The following EYA1 variants were observed in gnomAD, a reference collection of about 807,000 sequenced individuals.
The protein encoded by EYA1 is EYA transcriptional coactivator and phosphatase 1, also known as protein phosphatase EYA1.
A neutral mutation model predicts 82.0 loss-of-function variants in EYA1; 16 were observed. That is an observed-to-expected ratio of 0.20 (90% CI 0.13 to 0.30). The LOEUF is 0.30. EYA1 is among the 10% of genes least tolerant of loss of function. The pLI is 1.00. For missense variants in EYA1, 633 were observed against 730.7 expected, an observed-to-expected ratio of 0.87 and a Z score of 1.54; for synonymous variants, 261 against 264.4, an observed-to-expected ratio of 0.99 and a Z score of 0.12.
rs138631799 is a variant in EYA1 at position 71,392,816 on chromosome 8, A to T, written c.34-36305T>A. Reference sequence around the variant, plus strand: ...TCTATCTCTTTTTTTAAATCATAAGATAATATTTTTAGTGAAATTCAAATC... The same window carrying T: ...TCTATCTCTTTTTTTAAATCATAAGTTAATATTTTTAGTGAAATTCAAATC... On this transcript the variant is annotated intron_variant, in intron 2 of 18. Coordinates refer to the EYA1 transcript ENST00000643681. Among the ~76,000 whole-genome samples the T allele has an allele frequency of 3.6e-3, 548 of 152,270 alleles. 3 individuals are homozygous for T. Among genetic ancestry groups the T allele is most frequent in the African/African-American group, 0.012 (515 of 41,554 alleles).
chr8:71,388,377 T>C (rs1829084689), intron 2 of EYA1, among the ~76,000 whole-genome samples: 1 of 152,102 alleles, frequency 6.6e-6, no homozygotes, highest in South Asian at 2.1e-4. Context: ...GTAAAGAAGC[T>C]TGGGTACGAC....
chr8:71,269,629 C>T, intron 11 of EYA1, 111 bp downstream of exon 11: 1 of 732,344 alleles, frequency 1.4e-6, no homozygotes, highest in Middle Eastern at 2.6e-4. Context: ...TAGTTCTTCT[C>T]CATTTATATT....
chr8:71,401,018 C>T (rs536832738), intron 2 of EYA1, among the ~76,000 whole-genome samples: 22 of 152,226 alleles, frequency 1.4e-4, no homozygotes, highest in African/African-American at 2.9e-4. Context: ...CCATTATCCT[C>T]GGCAAACTAA....
chr8:71,457,514 A>G (rs887633952), intron 2 of EYA1, among the ~76,000 whole-genome samples: 2 of 152,216 alleles, frequency 1.3e-5, no homozygotes, highest in African/African-American at 4.8e-5. Context: ...ACCAACCCAA[A>G]TGTCCATCAA....
At chr8:71,508,770 A>G (rs1217319451) in intron 2 of EYA1, among the ~76,000 whole-genome samples, 2 of 152,252 alleles carry the variant, frequency 1.3e-5, no homozygotes, top group South Asian at 4.2e-4. Context: ...ACAAATTTCC[A>G]TTTTTAAAGC....
At chr8:71,260,393 CTAT>C (rs949396258) in intron 11 of EYA1, among the ~76,000 whole-genome samples, 3 of 152,056 alleles carry the variant, frequency 2.0e-5, no homozygotes, top group African/African-American at 7.2e-5. Flanking sequence ...AATTCTTATC[CTAT>C]TATTTTCAAT....
chr8:71,221,979 A>T (rs1809978102), intron 12 of EYA1, among the ~76,000 whole-genome samples: 1 of 152,202 alleles, frequency 6.6e-6, no homozygotes, highest in Admixed American at 6.5e-5. Flanking sequence ...ATGCATGGGA[A>T]CGGGGCGAGC....
chr8:71,222,866 T>C (rs1161347968), intron 12 of EYA1, among the ~76,000 whole-genome samples: 1 of 152,182 alleles, frequency 6.6e-6, no homozygotes, highest in Non-Finnish European at 1.5e-5. Flanking sequence ...CGACCTAGGT[T>C]CTTAGAGGCT....
intron 2 of EYA1, among the ~76,000 whole-genome samples, chr8:71,457,816 T>C (rs1425083489): frequency 6.6e-6 from 1 of 152,152 alleles, no homozygotes; most frequent in African/African-American, 2.4e-5. Context: ...CACACCAACA[T>C]GGCACATGTA....
chr8:71,321,507 C>G (rs1048802473), intron 6 of EYA1, among the ~76,000 whole-genome samples: 1 of 152,170 alleles, frequency 6.6e-6, no homozygotes, highest in African/African-American at 2.4e-5. Flanking sequence ...AAAATGAGAG[C>G]AAGAAGGCAT....
At chr8:71,467,426 A>G (rs145410309) in intron 2 of EYA1, among the ~76,000 whole-genome samples, 1 of 152,162 alleles carries the variant, frequency 6.6e-6, no homozygotes, top group Non-Finnish European at 1.5e-5. Flanking sequence ...AAGAAGGAAC[A>G]ATAACAAAAA....
intron 9 of EYA1, among the ~76,000 whole-genome samples, chr8:71,282,118 C>A (rs1817876327): frequency 6.6e-6 from 1 of 152,202 alleles, no homozygotes; most frequent in Admixed American, 6.5e-5. Flanking sequence ...CCCGTAAGTA[C>A]TCTGTATGCA....
At chr8:71,380,919 C>T (rs1025040664) in intron 2 of EYA1, among the ~76,000 whole-genome samples, 2 of 152,214 alleles carry the variant, frequency 1.3e-5, no homozygotes, top group Non-Finnish European at 2.9e-5. Context: ...CCTTGCCCAC[C>T]TTGTGTTGCT....
At chr8:71,360,113 T>C (rs1424838057) in intron 1 of EYA1, among the ~76,000 whole-genome samples, 1 of 152,180 alleles carries the variant, frequency 6.6e-6, no homozygotes, top group Non-Finnish European at 1.5e-5. Flanking sequence ...AAAGACTCCA[T>C]AAAATAAATG....
intron 7 of EYA1, among the ~76,000 whole-genome samples, chr8:71,309,278 A>C (rs1821070984): frequency 6.6e-6 from 1 of 152,172 alleles, no homozygotes; most frequent in South Asian, 2.1e-4. Flanking sequence ...GATGTCAAGA[A>C]ATTTTTATCC....
intron 3 of EYA1, among the ~76,000 whole-genome samples, chr8:71,347,594 G>A (rs148565578): frequency 9.2e-5 from 14 of 152,158 alleles, no homozygotes; most frequent in African/African-American, 3.1e-4. Flanking sequence ...AGTGCCTAAA[G>A]ATTGTTTTGA....
intron 2 of EYA1, among the ~76,000 whole-genome samples, chr8:71,469,345 T>C (rs1289084255): frequency 6.6e-5 from 10 of 152,050 alleles, no homozygotes; most frequent in Non-Finnish European, 2.9e-5. Flanking sequence ...TCCTACGACT[T>C]ACCTAACTAT....
rs1341532482 is a variant in EYA1, at chr8:71,262,648, T to C, written c.1050+7092A>G. Among the ~76,000 whole-genome samples the C allele has an allele frequency of 2.6e-5, 4 of 152,316 alleles. No homozygotes were observed. In the East Asian group the frequency reaches 7.7e-4, roughly 29 times the overall value. On this transcript the variant is annotated intron_variant, in intron 11 of 17. Coordinates refer to ENST00000340726, the MANE Select transcript of EYA1 (RefSeq NM_000503.6). Reference sequence around the variant, plus strand: ...CCTGTTCATTCACTGCATTCCCTTTTATATTCATGAACAAGAACAGTAAGG... The same window carrying C: ...CCTGTTCATTCACTGCATTCCCTTTCATATTCATGAACAAGAACAGTAAGG...
chr8:71,263,951 C>G (rs1447663206), intron 11 of EYA1, among the ~76,000 whole-genome samples: 3 of 152,176 alleles, frequency 2.0e-5, no homozygotes, highest in African/African-American at 7.2e-5. Flanking sequence ...AGCATTCAAT[C>G]AAGTTTCATT....
Sources: gnomAD v4.1 joint callset for allele counts (sites outside exome capture counted in the v4.1 genomes callset) on GRCh38, gnomAD v4.1.1 for gene constraint, MANE v1.5 for transcripts, NCBI Gene and HGNC (gene_info 2026-07-23, HGNC 2026-07-21) for gene names.